GSTCD: variants seen among roughly 807,000 people sequenced by gnomAD.
The protein encoded by GSTCD is glutathione S-transferase C-terminal domain-containing protein.
Under a neutral mutation model 68.3 loss-of-function variants are expected in GSTCD, and 44 were observed. That is an observed-to-expected ratio of 0.64 (90% CI 0.51 to 0.83). The LOEUF is 0.83. Ranked by LOEUF, GSTCD falls within the 40% of genes least tolerant of loss-of-function variation. GSTCD has a pLI of 0.00. For synonymous variants in GSTCD, 273 were observed against 255.2 expected (o/e 1.07, Z -0.67); for missense variants, 739 against 735.9 (o/e 1.00, Z -0.05).
At chr4:105,845,416 A>G in intron 11 of GSTCD, 25 bp from the exon 12 acceptor site, 3 of 1,613,872 alleles carry the variant, frequency 1.9e-6, no homozygotes, top group Non-Finnish European at 2.5e-6. Flanking sequence ...AGGGTGTCTC[A>G]TGATACCATT....
At chr4:105,834,839 G>A (rs11728716) in intron 9 of GSTCD, among the ~76,000 whole-genome samples, 6,940 of 152,262 alleles carry the variant, frequency 0.046, 213 homozygotes, top group Middle Eastern at 0.13. Context: ...GCAACTAGAA[G>A]TCTATTGGCT....
At chr4:105,777,243 G>C (rs1258808847) in intron 5 of GSTCD, among the ~76,000 whole-genome samples, 1 of 152,122 alleles carries the variant, frequency 6.6e-6, no homozygotes, top group African/African-American at 2.4e-5. Flanking sequence ...CACTAGTAGG[G>C]AAATTAAAAT....
At chr4:105,730,477 A>G (rs1421410978) in intron 5 of GSTCD, among the ~76,000 whole-genome samples, 2 of 152,106 alleles carry the variant, frequency 1.3e-5, no homozygotes, top group Admixed American at 1.3e-4. Flanking sequence ...TTTGATTTGC[A>G]TTTCTCTGAT....
At chr4:105,773,854 G>A (rs1734949506) in intron 5 of GSTCD, among the ~76,000 whole-genome samples, 1 of 152,184 alleles carries the variant, frequency 6.6e-6, no homozygotes, top group South Asian at 2.1e-4. Flanking sequence ...GGAGAGTTCT[G>A]TAGATGTTTA....
chr4:105,737,175 A>G (rs566847082), intron 5 of GSTCD, among the ~76,000 whole-genome samples: 3 of 152,212 alleles, frequency 2.0e-5, no homozygotes, highest in African/African-American at 7.2e-5. Flanking sequence ...ACTGTGTTTC[A>G]TAATGGCTGT....
At chr4:105,778,541 C>T (rs1735157859) in intron 5 of GSTCD, among the ~76,000 whole-genome samples, 1 of 151,980 alleles carries the variant, frequency 6.6e-6, no homozygotes, top group Non-Finnish European at 1.5e-5. Flanking sequence ...AAGTTGTCAG[C>T]TGTTAAGGAT....
intron 5 of GSTCD, among the ~76,000 whole-genome samples, chr4:105,751,846 G>A (rs1470525540): frequency 6.6e-6 from 1 of 152,126 alleles, no homozygotes; most frequent in Non-Finnish European, 1.5e-5. Flanking sequence ...TATTTTGAGT[G>A]TAAAAAATGA....
intron 5 of GSTCD, among the ~76,000 whole-genome samples, chr4:105,821,691 T>C (rs1171054998): frequency 6.6e-6 from 1 of 151,872 alleles, no homozygotes; most frequent in Non-Finnish European, 1.5e-5. Flanking sequence ...TTAAAATATA[T>C]AGATAGGAAG....
At chr4:105,719,615 T>C (rs1388419639) in intron 3 of GSTCD, 88 bp downstream of exon 3, 1 of 903,322 alleles carries the variant, frequency 1.1e-6, no homozygotes, top group African/African-American at 1.7e-5. Context: ...CTTTTTATTG[T>C]CAATATGCTG....
chr4:105,787,183 A>C (rs1393851078), intron 5 of GSTCD, among the ~76,000 whole-genome samples: 1 of 152,112 alleles, frequency 6.6e-6, no homozygotes, highest in Non-Finnish European at 1.5e-5. Flanking sequence ...GTCTTAGAGC[A>C]ATAGTTCCCA....
Position 105,719,470 on chromosome 4 carries a change from A to ACACAT in GSTCD, c.837_838insCACAT (p.Gly280HisfsTer22). The ACACAT allele has an allele frequency of 6.2e-7, 1 of 1,614,086 alleles. No individual in the cohort carries two copies. The highest frequency in any genetic ancestry group is 8.5e-7 in the Non-Finnish European group (1 of 1,179,970). ...CACCTCTGGAGCATGTGTTTGCAGAAGGGCTTTACTTCACTCTGGCAGATA... is the reference window on the plus strand; with the variant it reads ...CACCTCTGGAGCATGTGTTTGCAGAACACATGGGCTTTACTTCACTCTGGCAGATA... On this transcript the variant is annotated frameshift_variant, in exon 3 of 12. Transcript: ENST00000515279. LOFTEE classifies it high-confidence loss of function.
chr4:105,715,988 A>G (rs1732668947), intron 1 of GSTCD, among the ~76,000 whole-genome samples: 1 of 152,192 alleles, frequency 6.6e-6, no homozygotes, highest in African/African-American at 2.4e-5. Flanking sequence ...CTTAAGGAAT[A>G]TGACTTGAAA....
chr4:105,807,695 T>G (rs957307614), intron 5 of GSTCD, among the ~76,000 whole-genome samples: 16 of 152,090 alleles, frequency 1.1e-4, no homozygotes, highest in African/African-American at 3.4e-4. Context: ...GTGTATGCCT[T>G]GAGTATACCA....
In GSTCD at chr4:105,726,805, C is replaced by A. The variant is rs771235545; in HGVS notation, c.1121C>A (p.Pro374Gln). ...EQSDPLFIGG[P>Q]RPTMAKLMEK... is the part of the protein sequence containing the mutation. ...AGCGATCCTTTATTTATAGGAGGAC[C>A]AAGACCAACCATGGCCAAGTTAATG... The change falls in exon 4 of 12, where the codon CCA (proline) becomes CAA (glutamine). Residue 374 changes from proline (P) to glutamine (Q), a missense_variant. Physicochemically the swap from Pro to Gln is moderately conservative, Grantham distance 76. Transcript: ENST00000515279. 6.2e-7 allele frequency: 1 copy of A among 1,610,936 alleles called. No individual in the cohort carries two copies. The highest frequency in any genetic ancestry group is 8.5e-7 in the Non-Finnish European group (1 of 1,178,596).
intron 5 of GSTCD, among the ~76,000 whole-genome samples, chr4:105,768,038 A>ATT (rs753624063): frequency 2.2e-5 from 3 of 135,836 alleles, no homozygotes; most frequent in Admixed American, 7.5e-5. Flanking sequence ...TAAAAAAAAA[A>ATT]TTTTTTTTTT....
At chr4:105,747,430 C>T (rs1733843493) in intron 5 of GSTCD, among the ~76,000 whole-genome samples, 2 of 152,152 alleles carry the variant, frequency 1.3e-5, no homozygotes, top group Non-Finnish European at 2.9e-5. Flanking sequence ...TAAGAAATAT[C>T]TCTGTGATAC....
At chr4:105,729,003 A>G (rs1171077557) in intron 4 of GSTCD, among the ~76,000 whole-genome samples, 1 of 152,150 alleles carries the variant, frequency 6.6e-6, no homozygotes, top group Non-Finnish European at 1.5e-5. Flanking sequence ...GGCGATTTTC[A>G]TATATGTAAA....
At chr4:105,794,967 C>T (rs112543091) in intron 5 of GSTCD, among the ~76,000 whole-genome samples, 8,159 of 151,680 alleles carry the variant, frequency 0.054, 273 homozygotes, top group Middle Eastern at 0.14. Context: ...CTCCGCCTCC[C>T]GGGTTCAAGT....
At chr4:105,736,388 AGGACTT>A (rs1043265887) in intron 5 of GSTCD, among the ~76,000 whole-genome samples, 3 of 152,044 alleles carry the variant, frequency 2.0e-5, no homozygotes, top group African/African-American at 7.2e-5. Context: ...TATACCTACT[AGGACTT>A]AAGACCACTT....
Sources: gnomAD v4.1 joint callset for allele counts (sites outside exome capture counted in the v4.1 genomes callset) on GRCh38, gnomAD v4.1.1 for gene constraint, MANE v1.5 for transcripts, NCBI Gene and HGNC (gene_info 2026-07-23, HGNC 2026-07-21) for gene names.